The following UNC79 variants were observed in gnomAD, a reference collection of about 807,000 sequenced individuals.
The protein encoded by UNC79 is unc-79 subunit of NALCN channel complex, also known as protein unc-79 homolog.
Under a neutral mutation model 283.1 loss-of-function variants are expected in UNC79, and 37 were observed. The observed-to-expected ratio is 0.13, with a 90% CI of 0.10 to 0.17. UNC79 has a LOEUF of 0.17. UNC79 is among the 10% of genes least tolerant of loss of function. The pLI, the probability that UNC79 is intolerant of heterozygous loss-of-function variation, is 1.00. For missense variants in UNC79, 2,272 were observed against 3,211.1 expected (o/e 0.71, Z 7.07); for synonymous variants, 1,107 against 1,200.2 (o/e 0.92, Z 1.61).
chr14:93,575,735 T>G (rs1430514478), intron 17 of UNC79, among the ~76,000 whole-genome samples: 1 of 152,178 alleles, frequency 6.6e-6, no homozygotes, highest in African/African-American at 2.4e-5. Context: ...CTGGACAGCT[T>G]TGGTTATTTT....
At chr14:93,593,750 C>T in exon 23 of UNC79, 1 of 1,614,152 alleles carries the variant, frequency 6.2e-7, no homozygotes, top group Non-Finnish European at 8.5e-7. Context: ...CCTCCATGCC[C>T]TGTCACTTCC....
At chr14:93,466,743 A>G in intron 1 of UNC79, 1 of 551,874 alleles carries the variant, frequency 1.8e-6, no homozygotes, top group Non-Finnish European at 2.3e-6. Context: ...GAAAGGACAA[A>G]TGGACAGTGT....
At chr14:93,365,782 A>G (rs561551961) in intron 1 of UNC79, among the ~76,000 whole-genome samples, 1 of 152,312 alleles carries the variant, frequency 6.6e-6, no homozygotes, top group African/African-American at 2.4e-5. Context: ...TCAGGAATTT[A>G]ATATCTGTCT....
intron 35 of UNC79, among the ~76,000 whole-genome samples, chr14:93,648,694 G>A (rs912024052): frequency 1.3e-5 from 2 of 151,714 alleles, no homozygotes; most frequent in African/African-American, 2.4e-5. Context: ...AATGAGGGGA[G>A]GGCTTCCCTT....
At chr14:93,405,990 G>C (rs1304293253) in intron 1 of UNC79, among the ~76,000 whole-genome samples, 1 of 152,132 alleles carries the variant, frequency 6.6e-6, no homozygotes, top group African/African-American at 2.4e-5. Flanking sequence ...TTAATGCTGA[G>C]CTGGGACAGT....
At chr14:93,564,175 G>A (rs935479408) in intron 14 of UNC79, among the ~76,000 whole-genome samples, 2 of 152,174 alleles carry the variant, frequency 1.3e-5, no homozygotes, top group Admixed American at 1.3e-4. Flanking sequence ...GGAGAGCTAG[G>A]GTGGGAGCAG....
chr14:93,394,533 C>T (rs1283194487), intron 1 of UNC79, among the ~76,000 whole-genome samples: 1 of 151,668 alleles, frequency 6.6e-6, no homozygotes, highest in Non-Finnish European at 1.5e-5. Context: ...GCCTCAGCCT[C>T]CTGAGTAGCT....
chr14:93,651,012 A>T (rs1326537973), intron 35 of UNC79, among the ~76,000 whole-genome samples: 1 of 151,964 alleles, frequency 6.6e-6, no homozygotes, highest in Non-Finnish European at 1.5e-5. Flanking sequence ...GTGGATATTC[A>T]GTTTTTCAGC....
At chr14:93,594,417 A>G (rs1410569743) in intron 23 of UNC79, among the ~76,000 whole-genome samples, 1 of 152,008 alleles carries the variant, frequency 6.6e-6, no homozygotes, top group African/African-American at 2.4e-5. Context: ...CTACAGGTGC[A>G]TGCTACTACA....
At chr14:93,623,794 G>A (rs1433922811) in intron 30 of UNC79, among the ~76,000 whole-genome samples, 3 of 152,236 alleles carry the variant, frequency 2.0e-5, no homozygotes, top group Non-Finnish European at 4.4e-5. Context: ...TCAGGAGGCT[G>A]AGGCAGGAGA....
Position 93,688,889 on chromosome 14 carries a change from C to T in UNC79, c.7085+49C>T. The T allele has an allele frequency of 7.0e-6, 11 of 1,581,522 alleles. No individual in the cohort carries two copies. Among genetic ancestry groups the T allele is most frequent in the Non-Finnish European group, 9.5e-6 (11 of 1,161,926 alleles). On this transcript the variant is annotated intron_variant, in intron 44 of 48. Transcript: ENST00000555664. This position sits in a 1 kb window ranked among gnomAD's most constrained non-coding sequence, Gnocchi z 4.0. ...ATGAGGGTAAAGAAGGCAGGAGACA[C>T]CCCTGAGTTTCCTCGGGCTCAGCTA...
exon 13 of UNC79, chr14:93,540,700 C>T: frequency 6.2e-7 from 1 of 1,613,850 alleles, no homozygotes; most frequent in Non-Finnish European, 8.5e-7. Flanking sequence ...GCAGCGAGAA[C>T]ATGAGCTGAA....
chr14:93,539,385 T>C (rs2061263671), intron 12 of UNC79, among the ~76,000 whole-genome samples: 1 of 151,014 alleles, frequency 6.6e-6, no homozygotes. Flanking sequence ...GCTGGGCGTG[T>C]TGGCGCCTGC....
At chr14:93,458,767 C>T (rs752029779) in intron 1 of UNC79, among the ~76,000 whole-genome samples, 20 of 152,176 alleles carry the variant, frequency 1.3e-4, no homozygotes, top group Non-Finnish European at 2.4e-4. Flanking sequence ...TACTGTTGAC[C>T]ATCTGCTATG....
chr14:93,579,410 A>T (rs1463967569), intron 18 of UNC79, among the ~76,000 whole-genome samples: 2 of 152,210 alleles, frequency 1.3e-5, no homozygotes, highest in Non-Finnish European at 2.9e-5. Context: ...CAGTCGAGTG[A>T]TAATTTTCCA....
intron 1 of UNC79, among the ~76,000 whole-genome samples, chr14:93,403,792 A>G (rs1002118234): frequency 2.0e-5 from 3 of 152,146 alleles, no homozygotes; most frequent in African/African-American, 7.2e-5. Flanking sequence ...GTGACAGGTA[A>G]CTTTTCACCA....
chr14:93,674,100 A>G (rs927293457), intron 41 of UNC79, among the ~76,000 whole-genome samples: 2 of 152,180 alleles, frequency 1.3e-5, no homozygotes, highest in African/African-American at 4.8e-5. Flanking sequence ...TTAGGCAGGC[A>G]TGCAGGTTTC....
At chr14:93,405,048 C>T (rs898498695) in intron 1 of UNC79, among the ~76,000 whole-genome samples, 3 of 151,820 alleles carry the variant, frequency 2.0e-5, no homozygotes, top group South Asian at 2.1e-4. Flanking sequence ...TTTGGGAGGC[C>T]GAGGCGGATG....
chr14:93,623,971 T>C (rs1394300174), intron 30 of UNC79, among the ~76,000 whole-genome samples: 1 of 152,178 alleles, frequency 6.6e-6, no homozygotes, highest in East Asian at 1.9e-4. Context: ...TTAGTAGATA[T>C]ATAGACTGTG....
Sources: allele counts gnomAD v4.1 joint callset (sites outside exome capture counted in the v4.1 genomes callset), GRCh38; gene constraint gnomAD v4.1.1; non-coding constraint Gnocchi (gnomAD v3.1); transcripts MANE v1.5; gene names NCBI Gene and HGNC (gene_info 2026-07-23, HGNC 2026-07-21).